The following RFWD3 variants were observed in gnomAD, a reference collection of about 807,000 sequenced individuals.
The protein encoded by RFWD3 is E3 ubiquitin-protein ligase RFWD3.
A neutral mutation model predicts 87.7 loss-of-function variants in RFWD3; 65 were observed. The observed-to-expected ratio is 0.74, with a 90% CI of 0.61 to 0.91. The LOEUF (loss-of-function observed/expected upper bound fraction) is 0.91, where lower values mean the gene tolerates loss of function less well. RFWD3 is among the 40% of genes least tolerant of loss of function. RFWD3 has a pLI of 0.00. For missense variants in RFWD3, 1,078 were observed against 938.5 expected (o/e 1.15, Z -1.94); for synonymous variants, 433 against 352.8 (o/e 1.23, Z -2.55).
intron 1 of RFWD3, among the ~76,000 whole-genome samples, chr16:74,662,174 G>T (rs995286875): frequency 3.3e-5 from 5 of 151,906 alleles, no homozygotes; most frequent in African/African-American, 1.2e-4. Context: ...ATAGATGAAG[G>T]CTTCCTATGT....
intron 11 of RFWD3, 38 bp downstream of exon 11, chr16:74,628,414 C>T: frequency 1.9e-6 from 3 of 1,590,844 alleles, no homozygotes; most frequent in Non-Finnish European, 1.7e-6. Flanking sequence ...TACCACTGTG[C>T]TCCCAAATAA....
chr16:74,660,677 C>T (rs767323644), intron 2 of RFWD3: 3 of 402,950 alleles, frequency 7.4e-6, no homozygotes, highest in Non-Finnish European at 1.3e-5. Flanking sequence ...GTACAAGACA[C>T]AATCTGAACA....
intron 3 of RFWD3, among the ~76,000 whole-genome samples, chr16:74,651,279 T>C (rs894499812): frequency 3.3e-5 from 5 of 152,192 alleles, no homozygotes; most frequent in African/African-American, 1.2e-4. Flanking sequence ...GACTTGAAAG[T>C]GTCAGCCTAG....
chr16:74,655,242 G>A (rs779501435), intron 2 of RFWD3, among the ~76,000 whole-genome samples: 13 of 151,964 alleles, frequency 8.6e-5, no homozygotes, highest in African/African-American at 1.9e-4. Flanking sequence ...AGTTGAAGCC[G>A]ATGCTCTTTT....
intron 2 of RFWD3, among the ~76,000 whole-genome samples, chr16:74,657,923 G>A (rs1961124823): frequency 6.6e-6 from 1 of 152,184 alleles, no homozygotes. Flanking sequence ...GAGTTAGGGT[G>A]TTGACACGTA....
intron 2 of RFWD3, among the ~76,000 whole-genome samples, chr16:74,658,839 C>T (rs1027179161): frequency 6.6e-6 from 1 of 151,142 alleles, no homozygotes; most frequent in Non-Finnish European, 1.5e-5. Flanking sequence ...AAGATCTTGG[C>T]TCACTGCAAG....
At chr16:74,625,494 A>AC (rs1958904809) in intron 12 of RFWD3, among the ~76,000 whole-genome samples, 1 of 148,274 alleles carries the variant, frequency 6.7e-6, no homozygotes, top group African/African-American at 2.5e-5. Flanking sequence ...AGCCTGGGTA[A>AC]CAGAGCGAGA....
In RFWD3 at chr16:74,661,131, C is replaced by T. The variant is rs781495740; in HGVS notation, c.319G>A (p.Asp107Asn). ...GATGCTGGGATGGTGTGATTACCAT[C>T]AGATCCCTGCCTATGTTGTTCTGAA... Reference protein sequence around the residue: ...RTSEQHRQGSDGNHTIPASSL... With the variant: ...RTSEQHRQGSNGNHTIPASSL... Residue 107 changes from aspartate (D) to asparagine (N), a missense_variant, in exon 2 of 13, where the codon GAT (aspartate) becomes AAT (asparagine). By Grantham distance (23) the Asp-to-Asn change is conservative. Transcript: ENST00000361070. The T allele has an allele frequency of 1.2e-6, 2 of 1,614,080 alleles. No homozygotes were observed. Among genetic ancestry groups the T allele is most frequent in the African/African-American group, 2.7e-5 (2 of 74,946 alleles).
At chr16:74,631,947 T>C (rs1959110012) in intron 9 of RFWD3, among the ~76,000 whole-genome samples, 1 of 152,118 alleles carries the variant, frequency 6.6e-6, no homozygotes. Context: ...TTTATTCTCA[T>C]CTCCTTAAAA....
chr16:74,637,757 T>G, intron 7 of RFWD3, 99 bp downstream of exon 7: 1 of 836,570 alleles, frequency 1.2e-6, no homozygotes, highest in Non-Finnish European at 1.9e-6. Flanking sequence ...CTAAACAACT[T>G]GGCAAATCCT....
intron 4 of RFWD3, among the ~76,000 whole-genome samples, chr16:74,645,004 T>C (rs985436960): frequency 5.3e-5 from 8 of 152,324 alleles, no homozygotes; most frequent in Admixed American, 5.2e-4. Context: ...GCTATCCATA[T>C]AAAGAATAGC....
In RFWD3 at chr16:74,624,118, G is replaced by A. The variant is rs374297438; in HGVS notation, c.2182-47C>T. On this transcript the variant is annotated intron_variant, in intron 12 of 12. Transcript: ENST00000361070. ...AAGGGTCAGGAGTCAGTCAGTACAC[G>A]AAGGGACTTCCATTCTTCATCATCT... The A allele has an allele frequency of 6.2e-5, 98 of 1,586,596 alleles. No homozygotes were observed. The African/African-American group carries it at 9.4e-4, about 15-fold the overall frequency.
intron 2 of RFWD3, among the ~76,000 whole-genome samples, chr16:74,660,160 T>TAG (rs1961309375): frequency 6.6e-6 from 1 of 152,004 alleles, no homozygotes; most frequent in Non-Finnish European, 1.5e-5. Flanking sequence ...GGCTCCAATA[T>TAG]CAGTGCTAAC....
rs1961354807 is a variant in RFWD3 at position 74,660,678 on chromosome 16, A to G, written c.518+254T>C. On this transcript the variant is annotated intron_variant, in intron 2 of 12. Transcript: ENST00000361070. The stretch of plus-strand genomic sequence containing the variant: ...AAAGAATTTTTGGTGTACAAGACAC[A>G]ATCTGAACAACAGCCAATCTCTACA... 3 of 410,388 alleles carry G rather than the reference A, an allele frequency of 7.3e-6. No homozygotes were observed. In the South Asian group the frequency reaches 1.2e-4, roughly 16 times the overall value. The allele number at this position is 410,388 out of a possible 1,614,324, so 25.4% of individuals were successfully genotyped here. A position where few individuals can be genotyped will look rare whatever the true frequency, so the allele number is the denominator to read the frequency against.
At chr16:74,646,254 C>A (rs954991767) in intron 4 of RFWD3, among the ~76,000 whole-genome samples, 3 of 152,028 alleles carry the variant, frequency 2.0e-5, no homozygotes, top group Non-Finnish European at 4.4e-5. Flanking sequence ...CACATGCCTG[C>A]AGTCCCAAGT....
chr16:74,643,271 G>T (rs1959811036), intron 6 of RFWD3, among the ~76,000 whole-genome samples: 1 of 151,876 alleles, frequency 6.6e-6, no homozygotes, highest in Non-Finnish European at 1.5e-5. Flanking sequence ...GTGAGCCACC[G>T]CACCAGCCTT....
rs1959694360 is a variant in RFWD3 at position 74,641,963 on chromosome 16, A to T, written c.1079+2399T>A. Among the ~76,000 whole-genome samples, 5 of 150,750 alleles carry T rather than the reference A, an allele frequency of 3.3e-5. No homozygotes were observed. In the South Asian group the frequency reaches 8.4e-4, roughly 25 times the overall value. ...AAAAAAAAAAAAAAAAACCAAAGAA[A>T]CCAAAAACCAAAACAAAACTTTCTA... On this transcript the variant is annotated intron_variant, in intron 6 of 12. Coordinates refer to ENST00000361070, the MANE Select transcript of RFWD3 (RefSeq NM_018124.4).
intron 11 of RFWD3, 71 bp from the exon 12 acceptor site, chr16:74,626,625 C>A: frequency 8.4e-7 from 1 of 1,197,500 alleles, no homozygotes; most frequent in South Asian, 1.3e-5. Context: ...ACCCAAACCT[C>A]ACACGCTTAC....
intron 6 of RFWD3, among the ~76,000 whole-genome samples, chr16:74,639,114 C>A (rs558067327): frequency 6.6e-6 from 1 of 151,054 alleles, no homozygotes; most frequent in Non-Finnish European, 1.5e-5. Flanking sequence ...TCCAGGCTCA[C>A]GGCTACCTCC....
Sources: gnomAD v4.1 joint callset for allele counts (sites outside exome capture counted in the v4.1 genomes callset) on GRCh38, gnomAD v4.1.1 for gene constraint, MANE v1.5 for transcripts, NCBI Gene and HGNC (gene_info 2026-07-23, HGNC 2026-07-21) for gene names.